Variants in SOX5 observed in about 807,000 individuals in gnomAD.
SOX5 encodes the protein SRY-box transcription factor 5.
SOX5 carries 9 observed loss-of-function variants against 92.0 expected under a neutral mutation model. The observed-to-expected ratio is 0.10, with a 90% confidence interval of 0.06 to 0.17. The LOEUF (loss-of-function observed/expected upper bound fraction) is 0.17, where lower values mean the gene tolerates loss of function less well. Ranked by LOEUF, SOX5 falls within the 10% of genes least tolerant of loss-of-function variation. SOX5 has a pLI of 1.00. For missense variants in SOX5, 642 were observed against 944.5 expected (o/e 0.68, Z 4.20); for synonymous variants, 344 against 336.3 (o/e 1.02, Z -0.25).
At chr12:24,234,996 A>G in intron 3 of SOX5, among the ~76,000 whole-genome samples, 1 of 152,212 alleles carries the variant, frequency 6.6e-6, no homozygotes. Flanking sequence ...AGTGCTGAGG[A>G]TGACAGAACC....
Position 24,284,457 on chromosome 12 carries a change from T to TGTGC in SOX5, c.-173-7146_-173-7145insGCAC, listed in dbSNP as rs199762563. Among the ~76,000 whole-genome samples, 23 of 147,642 alleles carry TGTGC rather than the reference T, an allele frequency of 1.6e-4. 1 individual carries two copies. Among genetic ancestry groups the TGTGC allele is most frequent in the African/African-American group, 4.4e-4 (18 of 40,454 alleles). On this transcript the variant is annotated intron_variant, in intron 2 of 4. Transcript: ENST00000446891. ...TTGTGTGTGTGTGTGTGTGTGTGCG[T>TGTGC]GTCTTTCATTTAACTTTTTAAACAT...
At chr12:23,613,415 C>T (rs1220084630) in intron 8 of SOX5, among the ~76,000 whole-genome samples, 1 of 151,564 alleles carries the variant, frequency 6.6e-6, no homozygotes, top group African/African-American at 2.4e-5. Flanking sequence ...GCTGATGGGA[C>T]TGTGCAATGC....
chr12:24,279,716 T>C (rs1018861926), intron 2 of SOX5, among the ~76,000 whole-genome samples: 6 of 152,168 alleles, frequency 3.9e-5, no homozygotes, highest in Non-Finnish European at 5.9e-5. Context: ...CTCTGAACTT[T>C]GTAAAAATAA....
intron 4 of SOX5, among the ~76,000 whole-genome samples, chr12:24,139,438 A>T (rs1180776098): frequency 6.6e-6 from 1 of 152,190 alleles, no homozygotes; most frequent in African/African-American, 2.4e-5. Flanking sequence ...AAAAGGAAAA[A>T]AACTCTTAAA....
chr12:24,530,568 G>A (rs577200858), intron 1 of SOX5, among the ~76,000 whole-genome samples: 3 of 151,868 alleles, frequency 2.0e-5, no homozygotes, highest in South Asian at 2.1e-4. Flanking sequence ...CAGGAGAATC[G>A]CTTGAACCCA....
At chr12:24,194,127 T>G (rs1312039115) in intron 4 of SOX5, among the ~76,000 whole-genome samples, 3 of 152,210 alleles carry the variant, frequency 2.0e-5, no homozygotes, top group African/African-American at 7.2e-5. Context: ...GAACTTTAAG[T>G]GACATCTTTC....
chr12:23,906,371 C>A (rs552334870), intron 1 of SOX5, among the ~76,000 whole-genome samples: 1 of 152,150 alleles, frequency 6.6e-6, no homozygotes, highest in African/African-American at 2.4e-5. Context: ...ATGGGTTTTG[C>A]CTTTCTGACA....
chr12:24,122,705 G>C (rs1459624004), intron 4 of SOX5, among the ~76,000 whole-genome samples: 1 of 152,092 alleles, frequency 6.6e-6, no homozygotes. Flanking sequence ...AGTTATAATA[G>C]CCTCTGGAAT....
chr12:23,983,342 C>T lies in SOX5; in HGVS notation c.-1-87318G>A, dbSNP rs187868118. Among the ~76,000 whole-genome samples the T allele has an allele frequency of 2.6e-5, 4 of 152,224 alleles. No individual in the cohort carries two copies. The East Asian group carries it at 7.7e-4, about 29-fold the overall frequency. Reference sequence around the variant, plus strand: ...TGGGTAGTGCCAAGCTCAAATCATGCTTTCTGATTAGAAGTTTAGAATTTT... The same window carrying T: ...TGGGTAGTGCCAAGCTCAAATCATGTTTTCTGATTAGAAGTTTAGAATTTT... On this transcript the variant is annotated intron_variant, in intron 4 of 4. Transcript: ENST00000446891.
At chr12:24,087,834 C>A (rs1038625033) in intron 4 of SOX5, among the ~76,000 whole-genome samples, 1 of 151,530 alleles carries the variant, frequency 6.6e-6, no homozygotes, top group Non-Finnish European at 1.5e-5. Flanking sequence ...TTAAAATAAA[C>A]CACTCTAAAT....
At chr12:23,804,097 G>C (rs1478600092) in intron 3 of SOX5, among the ~76,000 whole-genome samples, 1 of 151,852 alleles carries the variant, frequency 6.6e-6, no homozygotes, top group Non-Finnish European at 1.5e-5. Flanking sequence ...CAAATATTAG[G>C]CAATGATCAT....
At chr12:24,212,431 T>G in intron 4 of SOX5, 1 of 534,046 alleles carries the variant, frequency 1.9e-6, no homozygotes, top group Non-Finnish European at 3.8e-6. Context: ...GTAGTTGTTC[T>G]ACAGAAGACC....
At chr12:24,298,633 C>T (rs1275497577) in intron 2 of SOX5, among the ~76,000 whole-genome samples, 1 of 151,880 alleles carries the variant, frequency 6.6e-6, no homozygotes, top group African/African-American at 2.4e-5. Flanking sequence ...TTCTATGTGT[C>T]ACCTATTATT....
chr12:24,528,443 A>G (rs1405499009), intron 1 of SOX5, among the ~76,000 whole-genome samples: 6 of 152,258 alleles, frequency 3.9e-5, no homozygotes, highest in African/African-American at 1.4e-4. Context: ...AAGTTGAAAG[A>G]GTATCCTGGT....
intron 7 of SOX5, among the ~76,000 whole-genome samples, chr12:23,647,463 A>T (rs568009457): frequency 6.6e-6 from 1 of 152,320 alleles, no homozygotes; most frequent in East Asian, 1.9e-4. Context: ...AGCTCCTAAG[A>T]GTCAGCTTGT....
At chr12:24,455,575 A>C (rs1177007111) in intron 1 of SOX5, among the ~76,000 whole-genome samples, 1 of 152,214 alleles carries the variant, frequency 6.6e-6, no homozygotes, top group African/African-American at 2.4e-5. Flanking sequence ...GAATGCATTC[A>C]TGGAGCCCAC....
intron 4 of SOX5, among the ~76,000 whole-genome samples, chr12:24,063,111 C>T (rs1940050416): frequency 6.6e-6 from 1 of 152,142 alleles, no homozygotes; most frequent in Non-Finnish European, 1.5e-5. Flanking sequence ...CAAATTTCAG[C>T]CCTTTCTGAA....
At chr12:24,099,206 C>A (rs537414579) in intron 4 of SOX5, among the ~76,000 whole-genome samples, 122 of 152,234 alleles carry the variant, frequency 8.0e-4, no homozygotes, top group Non-Finnish European at 1.0e-3. Context: ...AATATTCAGG[C>A]TGCATGTGAT....
chr12:23,831,057 CATAAA>C (rs1030410679), intron 3 of SOX5, among the ~76,000 whole-genome samples: 3 of 151,990 alleles, frequency 2.0e-5, no homozygotes, highest in Admixed American at 6.6e-5. Flanking sequence ...CTTTAGCACC[CATAAA>C]ATAAGTCTTA....
Sources: gnomAD v4.1 joint callset for allele counts (sites outside exome capture counted in the v4.1 genomes callset) on GRCh38, gnomAD v4.1.1 for gene constraint, MANE v1.5 for transcripts, NCBI Gene and HGNC (gene_info 2026-07-23, HGNC 2026-07-21) for gene names.